XKR3: variants seen among roughly 807,000 people sequenced by gnomAD.
XKR3 encodes XK-related protein 3.
XKR3 carries 27 observed loss-of-function variants against 40.3 expected under a neutral mutation model. That is an observed-to-expected ratio of 0.67 (90% CI 0.49 to 0.92). The LOEUF (loss-of-function observed/expected upper bound fraction) is 0.92, where lower values mean the gene tolerates loss of function less well. Ranked by LOEUF, XKR3 falls within the 40% of genes least tolerant of loss-of-function variation. XKR3 has a pLI of 0.00. For synonymous variants in XKR3, 193 were observed against 195.4 expected (o/e 0.99, Z 0.10); for missense variants, 472 against 537.6 (o/e 0.88, Z 1.21).
intron 1 of XKR3, among the ~76,000 whole-genome samples, chr22:16,814,682 C>T (rs1428531900): frequency 2.6e-5 from 4 of 152,086 alleles, no homozygotes; most frequent in African/African-American, 9.7e-5. Context: ...AATGTTTGCA[C>T]ATTTGTTAAA....
rs111932609 is a variant in XKR3 at position 16,799,999 on chromosome 22, G to A, written c.361C>T (p.His121Tyr). Residue 121 changes from histidine (H) to tyrosine (Y), a missense_variant, in exon 3 of 4, where the codon CAC (histidine) becomes TAC (tyrosine). Coordinates refer to ENST00000684488, the MANE Select transcript of XKR3 (RefSeq NM_001386955.1). ...VRCLHTIRNYHKWLKNLKQEK... is the reference protein window; with the variant it reads ...VRCLHTIRNYYKWLKNLKQEK... ...TGTTTAAGATTTTTCAACCATTTGTGGTAATTTCTAATGGTGTGCAAACAC... is the reference window on the plus strand; with the variant it reads ...TGTTTAAGATTTTTCAACCATTTGTAGTAATTTCTAATGGTGTGCAAACAC... 1.1e-3 allele frequency: 1,707 copies of A among 1,613,950 alleles called. 19 individuals carry two copies. In the African/African-American group the frequency reaches 0.021, roughly 19 times the overall value.
Position 16,799,925 on chromosome 22 carries a change from C to T in XKR3, c.435G>A (p.Leu145=), listed in dbSNP as rs1346612428. ...QVSITKRNTM[L]EREIAFSIRD... is the part of the protein sequence containing the mutation. ...GGATTGAGAATGCAATCTCCCTTTC[C>T]AGCATCGTGTTTCTCTTTGTGATGC... Residue 145 remains leucine (L), a synonymous_variant, in exon 3 of 4, where the codon CTG becomes CTA. Transcript: ENST00000684488. The T allele has an allele frequency of 6.2e-7, 1 of 1,614,100 alleles. No individual in the cohort carries two copies. The highest frequency in any genetic ancestry group is 2.2e-5 in the East Asian group (1 of 44,872).
intron 2 of XKR3, among the ~76,000 whole-genome samples, chr22:16,803,457 A>C (rs1376349898): frequency 6.6e-6 from 1 of 152,242 alleles, no homozygotes; most frequent in Non-Finnish European, 1.5e-5. Flanking sequence ...GGAAAAATGA[A>C]TGTGAAACAC....
Position 16,799,971 on chromosome 22 carries a change from T to C in XKR3, c.389A>G (p.Glu130Gly). Reference protein sequence around the residue: ...YHKWLKNLKQEKEETQVSITK... With the variant: ...YHKWLKNLKQGKEETQVSITK... ...GATGCTAACTTGAGTCTCTTCCTTC[T>C]CCTGTTTAAGATTTTTCAACCATTT... The change falls in exon 3 of 4, where the codon GAG becomes GGG. Residue 130 changes from glutamate to glycine, a missense_variant. Glu to Gly is a moderately conservative substitution (Grantham distance 98). Transcript: ENST00000684488. 3 of 1,614,134 alleles carry C rather than the reference T, an allele frequency of 1.9e-6. No homozygotes were observed. Among genetic ancestry groups the C allele is most frequent in the Non-Finnish European group, 2.5e-6 (3 of 1,180,004 alleles).
chr22:16,785,551 A>G (rs2060086708), intron 3 of XKR3, among the ~76,000 whole-genome samples: 1 of 152,096 alleles, frequency 6.6e-6, no homozygotes, highest in Non-Finnish European at 1.5e-5. Context: ...CATTTTACAT[A>G]TACATGCAGG....
At chr22:16,820,790 T>G (rs1462510155) in intron 1 of XKR3, among the ~76,000 whole-genome samples, 17 of 152,192 alleles carry the variant, frequency 1.1e-4, no homozygotes, top group Admixed American at 1.1e-3. Context: ...ATATATTCAT[T>G]TTTTAAAAAA....
chr22:16,789,993 C>G (rs1275530555), intron 3 of XKR3, among the ~76,000 whole-genome samples: 3 of 152,002 alleles, frequency 2.0e-5, no homozygotes, highest in Non-Finnish European at 2.9e-5. Flanking sequence ...ACTAAAAAGC[C>G]TATAGTGCAG....
At chr22:16,810,033 C>CA (rs1285759708) in intron 1 of XKR3, among the ~76,000 whole-genome samples, 2 of 152,202 alleles carry the variant, frequency 1.3e-5, no homozygotes, top group African/African-American at 2.4e-5. Context: ...ATTGGAGGTG[C>CA]AAGCCACCAC....
intron 2 of XKR3, among the ~76,000 whole-genome samples, chr22:16,803,077 CAT>C (rs56137788): frequency 4.7e-5 from 7 of 149,802 alleles, no homozygotes; most frequent in Admixed American, 1.3e-4. Context: ...CCTCAATTGA[CAT>C]ATATATATAT....
intron 3 of XKR3, among the ~76,000 whole-genome samples, chr22:16,788,930 A>G (rs2060102749): frequency 6.6e-6 from 1 of 152,198 alleles, no homozygotes; most frequent in African/African-American, 2.4e-5. Context: ...GCCATTTGAC[A>G]AAATTCAACA....
chr22:16,824,549 G>A (rs2060267081), intron 1 of XKR3, among the ~76,000 whole-genome samples: 1 of 152,042 alleles, frequency 6.6e-6, no homozygotes, highest in Non-Finnish European at 1.5e-5. Context: ...AGAGTAGAGA[G>A]AGAAATTACA....
chr22:16,823,411 A>G (rs1351955404), intron 1 of XKR3, among the ~76,000 whole-genome samples: 1 of 152,174 alleles, frequency 6.6e-6, no homozygotes, highest in South Asian at 2.1e-4. Flanking sequence ...AATTGACAGG[A>G]CTCACTGATT....
intron 1 of XKR3, among the ~76,000 whole-genome samples, chr22:16,818,013 T>G (rs528030600): frequency 6.6e-6 from 1 of 152,316 alleles, no homozygotes; most frequent in South Asian, 2.1e-4. Context: ...GTATTTCATC[T>G]GTTCTTCATT....
chr22:16,791,778 GGAGAGAGA>G (rs763159994), intron 3 of XKR3, among the ~76,000 whole-genome samples: 2,091 of 123,122 alleles, frequency 0.017, 28 homozygotes, highest in African/African-American at 0.059. Context: ...GGAGAGAGAG[GGAGAGAGA>G]GAGAGAGAGA....
chr22:16,797,118 T>C (rs2060144534), intron 3 of XKR3, among the ~76,000 whole-genome samples: 2 of 152,210 alleles, frequency 1.3e-5, no homozygotes. Context: ...GCTAGCCATA[T>C]GTAGAAGAAT....
intron 3 of XKR3, among the ~76,000 whole-genome samples, chr22:16,798,845 A>ACCAC (rs1909168190): frequency 2.0e-5 from 3 of 152,190 alleles, no homozygotes; most frequent in Admixed American, 6.5e-5. Flanking sequence ...AACATTGTCA[A>ACCAC]CCACTATTGG....
At position 16,800,031 on chromosome 22, in the gene XKR3, A is replaced by C; in HGVS notation, c.336-7T>G. On this transcript the variant is annotated splice_polypyrimidine_tract_variant and splice_region_variant and intron_variant, in intron 2 of 3. Transcript: ENST00000684488. ...TCTAATGGTGTGCAAACACCTGTTA[A>C]CATGAAGTAACATCCAAGATTAACA... The C allele has an allele frequency of 6.2e-7, 1 of 1,610,216 alleles. No individual in the cohort carries two copies.
In XKR3 at chr22:16,783,809, T is replaced by C. The variant is rs1454102212; in HGVS notation, c.1190A>G (p.Tyr397Cys). The C allele has an allele frequency of 1.9e-6, 3 of 1,614,112 alleles. No individual in the cohort carries two copies. Among genetic ancestry groups the C allele is most frequent in the East Asian group, 2.2e-5 (1 of 44,900 alleles). The change falls in exon 4 of 4, where the codon TAT (tyrosine) becomes TGT (cysteine). Residue 397 changes from tyrosine to cysteine, a missense_variant. By Grantham distance (194) the Tyr-to-Cys change is radical. Coordinates refer to ENST00000684488, the MANE Select transcript of XKR3 (RefSeq NM_001386955.1). ...LLATGFMLLF[Y>C]QYLYPWQSGK... is the part of the protein sequence containing the mutation. ...TGACTGCCATGGGTACAAATACTGA[T>C]AGAAGAGGAGCATAAAGCCAGTGGC...
chr22:16,814,329 C>T (rs1483325824), intron 1 of XKR3, among the ~76,000 whole-genome samples: 2 of 152,116 alleles, frequency 1.3e-5, no homozygotes, highest in South Asian at 2.1e-4. Context: ...ATCAATTGCA[C>T]ACAGGTGGGA....
Sources: gnomAD v4.1 joint callset for allele counts (sites outside exome capture counted in the v4.1 genomes callset) on GRCh38, gnomAD v4.1.1 for gene constraint, MANE v1.5 for transcripts, NCBI Gene and HGNC (gene_info 2026-07-23, HGNC 2026-07-21) for gene names.